The following THRB variants were observed in gnomAD, a reference collection of about 807,000 sequenced individuals.
THRB encodes thyroid hormone receptor beta.
A neutral mutation model predicts 47.8 loss-of-function variants in THRB; 12 were observed. That is an observed-to-expected ratio of 0.25 (90% CI 0.16 to 0.41). The LOEUF (loss-of-function observed/expected upper bound fraction) is 0.41, where lower values mean the gene tolerates loss of function less well. Ranked by LOEUF, THRB falls within the 10% of genes least tolerant of loss-of-function variation. The pLI, the probability that THRB is intolerant of heterozygous loss-of-function variation, is 1.00. For synonymous variants in THRB, 218 were observed against 212.2 expected, an observed-to-expected ratio of 1.03 and a Z score of -0.24; for missense variants, 348 against 589.2, an observed-to-expected ratio of 0.59 and a Z score of 4.24.
chr3:24,154,083 C>G (rs944940445), intron 5 of THRB, among the ~76,000 whole-genome samples: 2 of 152,108 alleles, frequency 1.3e-5, no homozygotes, highest in Non-Finnish European at 2.9e-5. Flanking sequence ...GAAAAATGTT[C>G]CTTCTTGGGA....
intron 1 of THRB, among the ~76,000 whole-genome samples, chr3:24,486,228 G>A (rs1697268428): frequency 1.3e-5 from 2 of 152,120 alleles, no homozygotes; most frequent in Admixed American, 1.3e-4. Flanking sequence ...TTATCTGGCC[G>A]CAAATGCCAT....
intron 3 of THRB, among the ~76,000 whole-genome samples, chr3:24,278,946 G>A (rs2054224219): frequency 6.6e-6 from 1 of 150,458 alleles, no homozygotes; most frequent in Admixed American, 6.6e-5. Context: ...CTGGGATCAA[G>A]TGATCCTTCC....
At chr3:24,171,799 T>G (rs974452490) in intron 5 of THRB, among the ~76,000 whole-genome samples, 1 of 152,160 alleles carries the variant, frequency 6.6e-6, no homozygotes, top group African/African-American at 2.4e-5. Context: ...CTAACCATTT[T>G]AGAAACTTTT....
intron 1 of THRB, among the ~76,000 whole-genome samples, chr3:24,466,615 C>T (rs1485910294): frequency 6.6e-6 from 1 of 152,106 alleles, no homozygotes; most frequent in South Asian, 2.1e-4. Flanking sequence ...CCACTGCAGT[C>T]GTGGATATTG....
intron 3 of THRB, among the ~76,000 whole-genome samples, chr3:24,295,333 CTAT>C (rs2056354707): frequency 6.6e-6 from 1 of 152,174 alleles, no homozygotes; most frequent in South Asian, 2.1e-4. Context: ...TCTTTGGGGA[CTAT>C]TTTACTACAC....
At chr3:24,354,540 G>A (rs1205328311) in intron 1 of THRB, among the ~76,000 whole-genome samples, 1 of 152,108 alleles carries the variant, frequency 6.6e-6, no homozygotes, top group Non-Finnish European at 1.5e-5. Flanking sequence ...TAGAGTGTCT[G>A]CCAATCTTAG....
intron 1 of THRB, among the ~76,000 whole-genome samples, chr3:24,480,674 G>T (rs1382335383): frequency 6.6e-6 from 1 of 152,098 alleles, no homozygotes; most frequent in East Asian, 1.9e-4. Flanking sequence ...AATTGCTGGT[G>T]GGGATTTAAA....
chr3:24,386,809 G>A (rs918827277), intron 1 of THRB, among the ~76,000 whole-genome samples: 1 of 152,120 alleles, frequency 6.6e-6, no homozygotes, highest in Non-Finnish European at 1.5e-5. Flanking sequence ...GCTTAAACCT[G>A]AACAGAAAGC....
At chr3:24,182,157 C>T (rs750627599) in intron 5 of THRB, among the ~76,000 whole-genome samples, 32 of 151,960 alleles carry the variant, frequency 2.1e-4, no homozygotes, top group African/African-American at 5.8e-4. Context: ...GCCGAGATTG[C>T]GCCACTGCAC....
rs1034423153 is a variant in THRB, at chr3:24,383,262, C to A, written c.-260-45891G>T. 9.9e-5 allele frequency among the ~76,000 whole-genome samples: 15 copies of A among 152,124 alleles called. No individual in the cohort carries two copies. In the South Asian group the frequency reaches 2.5e-3, roughly 25 times the overall value. On this transcript the variant is annotated intron_variant, in intron 1 of 10. Transcript: ENST00000646209. Reference sequence around the variant, plus strand: ...AAACAAACATTTCAATGTCTCTTTCCCCATTTATCTAACTATTTACCTGTT... The same window carrying A: ...AAACAAACATTTCAATGTCTCTTTCACCATTTATCTAACTATTTACCTGTT...
chr3:24,189,078 A>C (rs558331789), intron 5 of THRB, among the ~76,000 whole-genome samples: 80 of 152,064 alleles, frequency 5.3e-4, no homozygotes, highest in African/African-American at 1.9e-3. Flanking sequence ...CTAAAAGACC[A>C]GTTCTTTTAT....
chr3:24,372,354 C>G (rs1446127538), intron 1 of THRB, among the ~76,000 whole-genome samples: 1 of 152,038 alleles, frequency 6.6e-6, no homozygotes, highest in Non-Finnish European at 1.5e-5. Context: ...GACCCCTACC[C>G]CAGTGTTCTT....
At chr3:24,209,149 C>G (rs2045738244) in intron 4 of THRB, among the ~76,000 whole-genome samples, 2 of 152,218 alleles carry the variant, frequency 1.3e-5, no homozygotes, top group South Asian at 4.1e-4. Flanking sequence ...CATCTCACAC[C>G]AGTTAGAATG....
intron 7 of THRB, 46 bp from the exon 8 acceptor site, chr3:24,143,752 G>A (rs1458506017): frequency 6.3e-7 from 1 of 1,595,468 alleles, no homozygotes; most frequent in Non-Finnish European, 8.6e-7. Context: ...ATGCTCCCAA[G>A]ATACACAGCA....
At chr3:24,423,483 C>T (rs1051913009) in intron 1 of THRB, among the ~76,000 whole-genome samples, 1 of 151,690 alleles carries the variant, frequency 6.6e-6, no homozygotes, top group African/African-American at 2.4e-5. Flanking sequence ...ACTCTGCATT[C>T]CCAAGAATTA....
chr3:24,385,286 G>A (rs1430353585), intron 1 of THRB, among the ~76,000 whole-genome samples: 5 of 151,980 alleles, frequency 3.3e-5, no homozygotes, highest in Non-Finnish European at 7.4e-5. Context: ...CTACTTGGGA[G>A]AATAAACTAC....
intron 5 of THRB, among the ~76,000 whole-genome samples, chr3:24,159,604 A>G (rs2038446367): frequency 6.6e-6 from 1 of 152,196 alleles, no homozygotes; most frequent in South Asian, 2.1e-4. Flanking sequence ...AAGATCCTTT[A>G]CTTCAGATAT....
In THRB at chr3:24,382,482, T is replaced by C. The variant is rs890641634; in HGVS notation, c.-260-45111A>G. 2.6e-5 allele frequency among the ~76,000 whole-genome samples: 4 copies of C among 152,154 alleles called. No individual in the cohort carries two copies. The East Asian group carries it at 7.7e-4, about 29-fold the overall frequency. On this transcript the variant is annotated intron_variant, in intron 1 of 10. Coordinates refer to ENST00000646209, the MANE Select transcript of THRB (RefSeq NM_001354712.2). ...AACTATGTTAAAGTTATCGATGGAA[T>C]AGGAAACCAAGCAATCTCAAATTTG... is the stretch of plus-strand genomic sequence containing the variant.
At chr3:24,126,147 C>T (rs926504897) in intron 10 of THRB, among the ~76,000 whole-genome samples, 3 of 152,112 alleles carry the variant, frequency 2.0e-5, no homozygotes, top group Non-Finnish European at 2.9e-5. Flanking sequence ...AATCCCAGCA[C>T]TTTAGGAGGC....
Sources: gnomAD v4.1 joint callset for allele counts (sites outside exome capture counted in the v4.1 genomes callset) on GRCh38, gnomAD v4.1.1 for gene constraint, MANE v1.5 for transcripts, NCBI Gene and HGNC (gene_info 2026-07-23, HGNC 2026-07-21) for gene names.